The following PIGP variants were observed in gnomAD, a reference collection of about 807,000 sequenced individuals.
The protein encoded by PIGP is phosphatidylinositol N-acetylglucosaminyltransferase subunit P.
PIGP carries 12 observed loss-of-function variants against 16.9 expected under a neutral mutation model. The ratio of observed to expected loss-of-function variants is 0.71; its 90% CI spans 0.46 to 1.15. The LOEUF (loss-of-function observed/expected upper bound fraction) is 1.15. Among genes scored for constraint, PIGP ranks in the 50% most tolerant of loss-of-function variants. The probability of loss-of-function intolerance (pLI) is 0.00; values close to 1 mark genes in which losing one functional copy is unlikely to be tolerated. For synonymous variants in PIGP, 57 were observed against 54.7 expected (o/e 1.04, Z -0.18); for missense variants, 159 against 153.5 (o/e 1.04, Z -0.19).
At chr21:37,066,714 A>G (rs576266330) in intron 4 of PIGP, among the ~76,000 whole-genome samples, 20 of 152,324 alleles carry the variant, frequency 1.3e-4, no homozygotes, top group Middle Eastern at 3.4e-3. Context: ...ACTATTTACT[A>G]TCCCTTGATC....
In PIGP at chr21:37,069,601, TA is replaced by T; in HGVS notation, c.105del (p.Phe35LeufsTer7). On this transcript the variant is annotated frameshift_variant, in exon 3 of 5. Transcript: ENST00000360525. LOFTEE classifies it high-confidence loss of function. ...AAAGAGTTTAGCCAAGATTCAGGAA[TA>T]AAGGCCCACACGAGGTAAAGTACTG... ...FGFILYLVWA[F>X]IPESWLNSLG... is the part of the protein sequence containing the mutation. 6.4e-7 allele frequency: 1 copy of T among 1,569,608 alleles called. No individual in the cohort carries two copies. The highest frequency in any genetic ancestry group is 8.7e-7 in the Non-Finnish European group (1 of 1,154,490).
At chr21:37,068,207 G>GT (rs35093316) in intron 3 of PIGP, among the ~76,000 whole-genome samples, 4,544 of 143,534 alleles carry the variant, frequency 0.032, 87 homozygotes, top group Middle Eastern at 0.051. Flanking sequence ...TTGGCCAGAT[G>GT]TTTTTTTTTT....
At chr21:37,067,418 T>C (rs1419365560) in intron 3 of PIGP, 38 bp from the exon 4 acceptor site, 13 of 1,167,700 alleles carry the variant, frequency 1.1e-5, no homozygotes, top group African/African-American at 1.5e-5. Flanking sequence ...ATAGACACTT[T>C]AAAAAAGTTG....
At chr21:37,071,933 A>C (rs1182086809) in intron 2 of PIGP, among the ~76,000 whole-genome samples, 1 of 152,190 alleles carries the variant, frequency 6.6e-6, no homozygotes, top group Non-Finnish European at 1.5e-5. Flanking sequence ...CGCAGGGCAC[A>C]CTGGTGACAT....
rs1004852606 is a variant in PIGP at position 37,071,431 on chromosome 21, C to T, written c.82+1003G>A. 2.0e-5 allele frequency among the ~76,000 whole-genome samples: 3 copies of T among 152,156 alleles called. No homozygotes were observed. In the East Asian group the frequency reaches 5.8e-4, roughly 29 times the overall value. ...TCATGCGTCATAAGCATTTAATAAC[C>T]ATCATTATCACTACCCTTTTACAGA... On this transcript the variant is annotated intron_variant, in intron 2 of 4. Coordinates refer to ENST00000360525, the MANE Select transcript of PIGP (RefSeq NM_153682.3).
In PIGP at chr21:37,065,379, G is replaced by GACTTA; in HGVS notation, c.*202_*203insTAAGT. On this transcript the variant is annotated 3_prime_UTR_variant, in exon 5 of 5. Coordinates refer to ENST00000360525, the MANE Select transcript of PIGP (RefSeq NM_153682.3). ...TTTTTTTTTTAAGTCTGCTATATGG[G>GACTTA]AATGCAATATTGTATTTATTCTATT... 1 of 417,780 alleles carries GACTTA rather than the reference G, an allele frequency of 2.4e-6. No individual in the cohort carries two copies. The highest frequency in any genetic ancestry group is 4.2e-6 in the Non-Finnish European group (1 of 240,272). The allele number at this position is 417,780 out of a possible 1,614,324, so 25.9% of individuals were successfully genotyped here.
At chr21:37,072,744 G>T (rs1438313336) in intron 1 of PIGP, 2 of 717,734 alleles carry the variant, frequency 2.8e-6, no homozygotes, top group Non-Finnish European at 4.6e-6. Flanking sequence ...CGGAGGATAG[G>T]GCAGGGAGGG....
At chr21:37,068,243 TTC>T (rs2069941003) in intron 3 of PIGP, among the ~76,000 whole-genome samples, 1 of 151,808 alleles carries the variant, frequency 6.6e-6, no homozygotes. Context: ...CTCTATTATT[TTC>T]TCTTTCTGGA....
At chr21:37,072,369 T>C in intron 2 of PIGP, 65 bp downstream of exon 2, 1 of 1,607,382 alleles carries the variant, frequency 6.2e-7, no homozygotes, top group Non-Finnish European at 8.5e-7. Context: ...GTCTAACCAA[T>C]GTATTCTTCC....
Position 37,072,557 on chromosome 21 carries a change from T to C in PIGP, c.-22-20A>G. The stretch of plus-strand genomic sequence containing the variant: ...GACAATCTGTGGAAAAGGAACACAA[T>C]CAGCGTCAGCGATGTGCTCCGTGGC... On this transcript the variant is annotated intron_variant, in intron 1 of 4. Coordinates refer to ENST00000360525, the MANE Select transcript of PIGP (RefSeq NM_153682.3). The C allele has an allele frequency of 6.2e-7, 1 of 1,614,196 alleles. No individual in the cohort carries two copies. The highest frequency in any genetic ancestry group is 1.1e-5 in the South Asian group (1 of 91,088).
chr21:37,065,611 C>G lies in PIGP; in HGVS notation c.376G>C (p.Ala126Pro), dbSNP rs142431257. 6.2e-6 allele frequency: 10 copies of G among 1,612,886 alleles called. No individual in the cohort carries two copies. The African/African-American group carries it at 1.3e-4, about 22-fold the overall frequency. Residue 126 changes from alanine to proline, a missense_variant, in exon 5 of 5, where the codon GCA becomes CCA. Coordinates refer to ENST00000360525, the MANE Select transcript of PIGP (RefSeq NM_153682.3). ...TTTTTGGTGTAAAGTTCTTTGGCTGCAAGAAAGAACATTTGGTTTACTTCA... is the reference window on the plus strand; with the variant it reads ...TTTTTGGTGTAAAGTTCTTTGGCTGGAAGAAAGAACATTTGGTTTACTTCA... ...ISEVNQMFFLAAKELYTKN is the reference protein window; with the variant it reads ...ISEVNQMFFLPAKELYTKN
At chr21:37,068,146 A>C (rs556455172) in intron 3 of PIGP, among the ~76,000 whole-genome samples, 19 of 151,366 alleles carry the variant, frequency 1.3e-4, no homozygotes, top group Admixed American at 4.6e-4. Flanking sequence ...GGCACACACC[A>C]CCACACCTGG....
At chr21:37,068,094 T>A (rs1217485755) in intron 3 of PIGP, among the ~76,000 whole-genome samples, 1 of 151,610 alleles carries the variant, frequency 6.6e-6, no homozygotes, top group African/African-American at 2.4e-5. Context: ...CTAGCCTCAA[T>A]CTGCTGAGCT....
At chr21:37,066,011 G>C (rs1331851147) in intron 4 of PIGP, among the ~76,000 whole-genome samples, 1 of 151,828 alleles carries the variant, frequency 6.6e-6, no homozygotes, top group Non-Finnish European at 1.5e-5. Context: ...TGAACCCAGG[G>C]GGCGGAGCCT....
At chr21:37,066,478 T>G (rs906770902) in intron 4 of PIGP, among the ~76,000 whole-genome samples, 1 of 152,228 alleles carries the variant, frequency 6.6e-6, no homozygotes, top group Admixed American at 6.5e-5. Context: ...TTTGAAAAGT[T>G]GAAAAATCAT....
At chr21:37,068,965 T>C (rs1473520634) in intron 3 of PIGP, among the ~76,000 whole-genome samples, 1 of 152,210 alleles carries the variant, frequency 6.6e-6, no homozygotes, top group African/African-American at 2.4e-5. Flanking sequence ...TACTTAACCT[T>C]GCCAGAGAGT....
chr21:37,065,498 G>T lies in PIGP; in HGVS notation c.*84C>A. On this transcript the variant is annotated 3_prime_UTR_variant, in exon 5 of 5. Transcript: ENST00000360525. ...TTACTTCTCTATTAATAAGAGAGAT[G>T]GTCAAATTAATTTATGGTCAAAATT... The T allele has an allele frequency of 7.3e-7, 1 of 1,377,442 alleles. No homozygotes were observed. Among genetic ancestry groups the T allele is most frequent in the Non-Finnish European group, 1.0e-6 (1 of 1,004,720 alleles). The allele number at this position is 1,377,442 out of a possible 1,614,324, so 85.3% of individuals were successfully genotyped here.
Position 37,067,367 on chromosome 21 carries a change from C to T in PIGP, c.169G>A (p.Ala57Thr). 1 of 1,585,558 alleles carries T rather than the reference C, an allele frequency of 6.3e-7. No individual in the cohort carries two copies. Among genetic ancestry groups the T allele is most frequent in the Non-Finnish European group, 8.7e-7 (1 of 1,154,112 alleles). Residue 57 changes from alanine (A) to threonine (T), a missense_variant, in exon 4 of 5, where the codon GCA (alanine) becomes ACA (threonine). Transcript: ENST00000360525. The stretch of plus-strand genomic sequence containing the variant: ...GCAATAAGGAGGTAGACAGGTAATG[C>T]AACTGCCCAATATCTGCCAAAGAGA... Reference protein sequence around the residue: ...TYWPQKYWAVALPVYLLIAIV... With the variant: ...TYWPQKYWAVTLPVYLLIAIV...
Position 37,065,716 on chromosome 21 carries a change from T to A in PIGP, c.275-4A>T. 1 of 1,612,044 alleles carries A rather than the reference T, an allele frequency of 6.2e-7. No homozygotes were observed. The highest frequency in any genetic ancestry group is 1.1e-5 in the South Asian group (1 of 90,780). On this transcript the variant is annotated splice_polypyrimidine_tract_variant and splice_region_variant and intron_variant, in intron 4 of 4. Transcript: ENST00000360525. ...TGTTGATTTTTTGCATAGTTATCTG[T>A]AAGAAAAGACCAAAAAGCTCTGTTT...
Sources: allele counts gnomAD v4.1 joint callset (sites outside exome capture counted in the v4.1 genomes callset), GRCh38; gene constraint gnomAD v4.1.1; transcripts MANE v1.5; gene names NCBI Gene and HGNC (gene_info 2026-07-23, HGNC 2026-07-21).